Variants in RHAG observed in about 807,000 individuals in gnomAD.
RHAG encodes ammonium transporter Rh type A.
Under a neutral mutation model 42.4 loss-of-function variants are expected in RHAG, and 25 were observed. That is an observed-to-expected ratio of 0.59 (90% confidence interval 0.43 to 0.82). RHAG has a LOEUF of 0.82. RHAG is among the 40% of genes least tolerant of loss of function. The probability of loss-of-function intolerance (pLI) is 0.00; values close to 1 mark genes in which losing one functional copy is unlikely to be tolerated. For missense variants in RHAG, 483 were observed against 504.6 expected, an observed-to-expected ratio of 0.96 and a Z score of 0.41; for synonymous variants, 182 against 177.7, an observed-to-expected ratio of 1.02 and a Z score of -0.19.
intron 1 of RHAG, among the ~76,000 whole-genome samples, chr6:49,633,669 C>T (rs974805200): frequency 1.3e-5 from 2 of 152,192 alleles, no homozygotes; most frequent in Admixed American, 1.3e-4. Flanking sequence ...TGTAAAATTT[C>T]ACTTTGTGGC....
At chr6:49,617,303 G>T (rs868390263) in intron 3 of RHAG, among the ~76,000 whole-genome samples, 8 of 152,074 alleles carry the variant, frequency 5.3e-5, no homozygotes, top group African/African-American at 1.9e-4. Context: ...TAATCTTCCA[G>T]TTACACTTTC....
chr6:49,615,686 C>T lies in RHAG; in HGVS notation c.578G>A (p.Gly193Glu). ...LAVAGILYRS[G>E]LRKGHENEES... ...TTCATTTTCATGCCCCTTTCTCAGT[C>T]CAGATCGATACAAGATGCCTGCTAC... The change falls in exon 4 of 10, where the codon GGA becomes GAA. Residue 193 changes from glycine (G) to glutamate (E), a missense_variant. Physicochemically the swap from Gly to Glu is moderately conservative, Grantham distance 98 (BLOSUM62 -2). Coordinates refer to ENST00000371175, the MANE Select transcript of RHAG (RefSeq NM_000324.3). The T allele has an allele frequency of 1.2e-6, 2 of 1,614,096 alleles. No homozygotes were observed. The highest frequency in any genetic ancestry group is 2.2e-5 in the South Asian group (2 of 91,074).
chr6:49,614,972 G>T, intron 4 of RHAG, 119 bp from the exon 5 acceptor site: 1 of 992,102 alleles, frequency 1.0e-6, no homozygotes. Context: ...TTTTGAGATG[G>T]AGTGTCCCTC....
intron 7 of RHAG, among the ~76,000 whole-genome samples, chr6:49,608,702 A>G (rs1762516675): frequency 2.0e-5 from 3 of 152,120 alleles, no homozygotes; most frequent in East Asian, 1.9e-4. Flanking sequence ...AACTTTTCCA[A>G]ATAGAAAATT....
intron 1 of RHAG, among the ~76,000 whole-genome samples, chr6:49,619,722 C>G (rs1270178137): frequency 1.3e-5 from 2 of 152,312 alleles, no homozygotes; most frequent in African/African-American, 2.4e-5. Context: ...TCTCAGGAAA[C>G]AGAATTATTT....
intron 1 of RHAG, among the ~76,000 whole-genome samples, chr6:49,621,350 T>C (rs1045465943): frequency 6.6e-5 from 10 of 152,186 alleles, no homozygotes; most frequent in Admixed American, 6.5e-4. Context: ...TCGGGTAGTC[T>C]GGACACAATA....
intron 1 of RHAG, among the ~76,000 whole-genome samples, chr6:49,635,733 T>C (rs1425147298): frequency 6.6e-6 from 1 of 152,106 alleles, no homozygotes; most frequent in African/African-American, 2.4e-5. Flanking sequence ...AATACCCCCA[T>C]CATATTAATT....
chr6:49,633,977 C>A (rs745735975), intron 1 of RHAG, among the ~76,000 whole-genome samples: 3 of 151,678 alleles, frequency 2.0e-5, no homozygotes, highest in Non-Finnish European at 4.4e-5. Flanking sequence ...TTTTCATTTT[C>A]TTTTCTGTTT....
At chr6:49,628,277 A>T (rs1286272621) in intron 1 of RHAG, among the ~76,000 whole-genome samples, 7 of 151,970 alleles carry the variant, frequency 4.6e-5, no homozygotes, top group African/African-American at 1.5e-4. Context: ...AGTAGCTGGG[A>T]TTACAGGTGC....
Position 49,612,411 on chromosome 6 carries a change from A to G in RHAG, c.931T>C (p.Tyr311His), listed in dbSNP as rs1304780034. Residue 311 changes from tyrosine (Y) to histidine (H), a missense_variant, in exon 6 of 10, where the codon TAC becomes CAC. Transcript: ENST00000371175. ...GCTGTACTTACAGTCAGGAACTTGT[A>G]TCCAAGCACAGAGACCATTCCTGCA... ...SIAGMVSVLG[Y>H]KFLTPLFTTK... is the part of the protein sequence containing the mutation. 1 of 1,614,244 alleles carries G rather than the reference A, an allele frequency of 6.2e-7. No individual in the cohort carries two copies. The highest frequency in any genetic ancestry group is 2.2e-5 in the East Asian group (1 of 44,884).
At chr6:49,634,190 TC>T (rs2127359495) in intron 1 of RHAG, among the ~76,000 whole-genome samples, 1 of 152,270 alleles carries the variant, frequency 6.6e-6, no homozygotes, top group Non-Finnish European at 1.5e-5. Flanking sequence ...CTAACTACAG[TC>T]ACCTTACTGT....
chr6:49,625,762 T>G (rs957063922), intron 1 of RHAG, among the ~76,000 whole-genome samples: 21 of 152,212 alleles, frequency 1.4e-4, no homozygotes. Flanking sequence ...CTCCCAGTTC[T>G]AATAAAGACA....
chr6:49,622,222 T>TA (rs1201404848), intron 1 of RHAG, among the ~76,000 whole-genome samples: 1 of 151,000 alleles, frequency 6.6e-6, no homozygotes, highest in Non-Finnish European at 1.5e-5. Context: ...GATGGTTTTT[T>TA]TTTTTTTTTT....
intron 1 of RHAG, among the ~76,000 whole-genome samples, chr6:49,629,611 C>G (rs1274461162): frequency 1.3e-5 from 2 of 150,756 alleles, no homozygotes; most frequent in Non-Finnish European, 2.9e-5. Flanking sequence ...TGGCGTTCAT[C>G]GGGGAGGCTC....
intron 7 of RHAG, among the ~76,000 whole-genome samples, chr6:49,610,359 C>T (rs943566421): frequency 6.6e-6 from 1 of 152,186 alleles, no homozygotes; most frequent in African/African-American, 2.4e-5. Context: ...ATTGTGGCAT[C>T]CCTTCCATTC....
At chr6:49,621,153 G>A (rs897010046) in intron 1 of RHAG, among the ~76,000 whole-genome samples, 2 of 152,164 alleles carry the variant, frequency 1.3e-5, no homozygotes, top group Non-Finnish European at 2.9e-5. Flanking sequence ...GTAAGAGACT[G>A]TGGTACACTA....
At chr6:49,622,904 C>G (rs1389606808) in intron 1 of RHAG, among the ~76,000 whole-genome samples, 1 of 147,606 alleles carries the variant, frequency 6.8e-6, no homozygotes, top group East Asian at 2.0e-4. Context: ...GGCGCTATCT[C>G]GGCTCACTGC....
intron 7 of RHAG, 151 bp from the exon 8 acceptor site, chr6:49,607,371 A>G: frequency 1.4e-6 from 1 of 711,710 alleles, no homozygotes; most frequent in Non-Finnish European, 2.5e-6. Context: ...TTTTTCTTTC[A>G]TATTCTTATT....
At chr6:49,614,970 T>G in intron 4 of RHAG, 117 bp from the exon 5 acceptor site, 1 of 993,260 alleles carries the variant, frequency 1.0e-6, no homozygotes. Flanking sequence ...ATTTTTGAGA[T>G]GGAGTGTCCC....
Sources: gnomAD v4.1 joint callset for allele counts (sites outside exome capture counted in the v4.1 genomes callset) on GRCh38, gnomAD v4.1.1 for gene constraint, MANE v1.5 for transcripts, NCBI Gene and HGNC (gene_info 2026-07-23, HGNC 2026-07-21) for gene names.